Variants in USH2A observed in about 807,000 individuals in gnomAD.
The protein encoded by USH2A is usherin.
A neutral mutation model predicts 538.9 loss-of-function variants in USH2A; 443 were observed. That is an observed-to-expected ratio of 0.82 (90% CI 0.76 to 0.89). The LOEUF is 0.89. Among genes scored for constraint, USH2A ranks in the 40% least tolerant of loss-of-function variants. The probability of loss-of-function intolerance (pLI) is 0.00; values close to 1 mark genes in which losing one functional copy is unlikely to be tolerated. For synonymous variants in USH2A, 2,413 were observed against 2,273.5 expected (o/e 1.06, Z -1.75); for missense variants, 6,633 against 6,324.8 (o/e 1.05, Z -1.65).
At chr1:216,396,202 A>G (rs2039208977) in intron 3 of USH2A, among the ~76,000 whole-genome samples, 1 of 152,236 alleles carries the variant, frequency 6.6e-6, no homozygotes, top group Admixed American at 6.5e-5. Context: ...AAAATCTTGA[A>G]TCAAATGCTT....
At chr1:215,706,146 G>A (rs778873074) in intron 61 of USH2A, among the ~76,000 whole-genome samples, 43 of 152,138 alleles carry the variant, frequency 2.8e-4, no homozygotes, top group Non-Finnish European at 4.1e-4. Context: ...ATTTGCCTGG[G>A]GGGATCCTGT....
chr1:216,255,133 A>C (rs1459766901), intron 11 of USH2A, among the ~76,000 whole-genome samples: 1 of 152,214 alleles, frequency 6.6e-6, no homozygotes, highest in East Asian at 1.9e-4. Context: ...TTTATGGCTT[A>C]AAATGCAATC....
In USH2A at chr1:215,674,095, C is replaced by T; in HGVS notation, c.13811+5G>A. ...CTCTCAGAAAACCGAGACATGGCTA[C>T]CTACCTGTGAAATGGCTTCAGCTGG... is the stretch of plus-strand genomic sequence containing the variant. On this transcript the variant is annotated splice_donor_5th_base_variant and intron_variant, in intron 63 of 71. Transcript: ENST00000307340. The T allele has an allele frequency of 6.2e-7, 1 of 1,613,972 alleles. No homozygotes were observed.
At chr1:216,290,710 G>C (rs1429682616) in intron 10 of USH2A, among the ~76,000 whole-genome samples, 1 of 152,058 alleles carries the variant, frequency 6.6e-6, no homozygotes, top group Non-Finnish European at 1.5e-5. Flanking sequence ...CTGCCCCCAG[G>C]AGTTTCTCCT....
intron 33 of USH2A, among the ~76,000 whole-genome samples, 198 bp from the exon 34 acceptor site, chr1:215,999,256 G>A (rs1276146474): frequency 2.0e-5 from 3 of 152,142 alleles, no homozygotes; most frequent in Non-Finnish European, 2.9e-5. Flanking sequence ...ATGTGATATG[G>A]CTCCTGCCAT....
In USH2A at chr1:215,995,115, C is replaced by T. The variant is rs537674223; in HGVS notation, c.6658-1948G>A. Among the ~76,000 whole-genome samples the T allele has an allele frequency of 7.0e-4, 106 of 152,116 alleles. 2 individuals are homozygous for T. The highest frequency in any genetic ancestry group is 6.0e-3 in the Admixed American group (91 of 15,280). ...TAAAATATTTCCCCTGCTAACTCTC[C>T]CCAAATAAATTCTATACTATACAAC... On this transcript the variant is annotated intron_variant, in intron 34 of 71. Transcript: ENST00000307340.
chr1:216,239,322 GA>G (rs2035889799), intron 13 of USH2A, among the ~76,000 whole-genome samples: 1 of 151,966 alleles, frequency 6.6e-6, no homozygotes, highest in South Asian at 2.1e-4. Flanking sequence ...TAAGTGTTGT[GA>G]AAAAAACACC....
At chr1:216,415,734 C>T (rs1288350941) in intron 3 of USH2A, among the ~76,000 whole-genome samples, 3 of 151,808 alleles carry the variant, frequency 2.0e-5, no homozygotes, top group Non-Finnish European at 4.4e-5. Context: ...GCCATGTTGC[C>T]CAGGCTGGCC....
Position 216,168,420 on chromosome 1 carries a change from G to A in USH2A, c.4627+6832C>T, listed in dbSNP as rs151315793. 9.1e-3 allele frequency among the ~76,000 whole-genome samples: 1,389 copies of A among 152,188 alleles called. 22 individuals are homozygous for A. The highest frequency in any genetic ancestry group is 0.03 in the African/African-American group (1,244 of 41,528). The stretch of plus-strand genomic sequence containing the variant: ...CAAAAATTATAACTAAGAAAATTAT[G>A]ACAGTGAAAGAGACCTGGCCTAAAT... On this transcript the variant is annotated intron_variant, in intron 21 of 71. Coordinates refer to ENST00000307340, the MANE Select transcript of USH2A (RefSeq NM_206933.4).
rs1307469987 is a variant in USH2A at position 215,942,544 on chromosome 1, A to G, written c.7121-7749T>C. 3.3e-5 allele frequency among the ~76,000 whole-genome samples: 5 copies of G among 152,304 alleles called. No individual in the cohort carries two copies. The East Asian group carries it at 9.7e-4, about 29-fold the overall frequency. On this transcript the variant is annotated intron_variant, in intron 37 of 71. Coordinates refer to ENST00000307340, the MANE Select transcript of USH2A (RefSeq NM_206933.4). Reference sequence around the variant, plus strand: ...CAAATTGTGAACTTTCACAGCTTCTAAATTAAGTGGTACCACACAACTGTC... The same window carrying G: ...CAAATTGTGAACTTTCACAGCTTCTGAATTAAGTGGTACCACACAACTGTC...
chr1:216,009,486 T>C (rs1668490723), intron 32 of USH2A, among the ~76,000 whole-genome samples: 1 of 152,096 alleles, frequency 6.6e-6, no homozygotes. Context: ...AGGCAAACGG[T>C]CTGAGGTGCC....
At chr1:216,373,362 C>G (rs995630570) in intron 3 of USH2A, among the ~76,000 whole-genome samples, 1 of 152,196 alleles carries the variant, frequency 6.6e-6, no homozygotes, top group Non-Finnish European at 1.5e-5. Flanking sequence ...TACTCTTCTT[C>G]TCTCTATTGA....
chr1:216,141,130 T>C (rs2102611146), intron 21 of USH2A, among the ~76,000 whole-genome samples: 1 of 152,348 alleles, frequency 6.6e-6, no homozygotes, highest in Middle Eastern at 3.4e-3. Flanking sequence ...ATTCTGTTAT[T>C]TGGTGTGCGG....
At chr1:215,635,966 G>A (rs1656468758) in intron 69 of USH2A, among the ~76,000 whole-genome samples, 1 of 151,784 alleles carries the variant, frequency 6.6e-6, no homozygotes, top group African/African-American at 2.4e-5. Context: ...AAGCAGGGGT[G>A]CGGCAGGGGT....
At position 216,193,927 on chromosome 1, in the gene USH2A, A is replaced by G. The variant is rs1309927469; in HGVS notation, c.4251+2626T>C. 4 of 152,190 alleles carry G rather than the reference A, an allele frequency of 2.6e-5. No individual in the cohort carries two copies. In the East Asian group the frequency reaches 7.7e-4, roughly 29 times the overall value. 9.4% of individuals were successfully genotyped at this position (152,190 alleles called of 1,614,324 possible). A position where few individuals can be genotyped will look rare whatever the true frequency, so the allele number is the denominator to read the frequency against. The stretch of plus-strand genomic sequence containing the variant: ...TTCCTAGCTTAATTTGAGATAAGCT[A>G]AGAGGGTCATTTCAGCTCCAGAACT... On this transcript the variant is annotated intron_variant, in intron 19 of 71. Transcript: ENST00000307340.
At chr1:215,965,963 G>A (rs555445221) in intron 36 of USH2A, among the ~76,000 whole-genome samples, 64 of 97,902 alleles carry the variant, frequency 6.5e-4, no homozygotes, top group East Asian at 3.0e-3. Context: ...ACACACACAC[G>A]CATGCATACA....
intron 50 of USH2A, among the ~76,000 whole-genome samples, chr1:215,792,409 T>C (rs953991198): frequency 1.3e-5 from 2 of 152,240 alleles, no homozygotes; most frequent in African/African-American, 4.8e-5. Flanking sequence ...TCTTTAATTA[T>C]TATCAACCTT....
At chr1:216,417,445 C>A (rs1372772883) in intron 3 of USH2A, among the ~76,000 whole-genome samples, 2 of 152,012 alleles carry the variant, frequency 1.3e-5, no homozygotes, top group Non-Finnish European at 2.9e-5. Context: ...TGTGTCCCCA[C>A]CCAAACCTCA....
At chr1:215,792,686 C>A (rs1474511098) in intron 50 of USH2A, among the ~76,000 whole-genome samples, 1 of 152,194 alleles carries the variant, frequency 6.6e-6, no homozygotes, top group Non-Finnish European at 1.5e-5. Context: ...TGCATCACTT[C>A]AGCATGAATG....
Sources: allele counts gnomAD v4.1 joint callset (sites outside exome capture counted in the v4.1 genomes callset), GRCh38; gene constraint gnomAD v4.1.1; transcripts MANE v1.5; gene names NCBI Gene and HGNC (gene_info 2026-07-23, HGNC 2026-07-21).